The following ZNF503 variants were observed in gnomAD, a reference collection of about 807,000 sequenced individuals.
The protein encoded by ZNF503 is zinc finger protein 503, also known as NocA-like zinc finger 2.
Under a neutral mutation model 34.4 loss-of-function variants are expected in ZNF503, and 15 were observed. That is an observed-to-expected ratio of 0.44 (90% CI 0.29 to 0.67). The LOEUF (loss-of-function observed/expected upper bound fraction) is 0.67. Among genes scored for constraint, ZNF503 ranks in the 30% least tolerant of loss-of-function variants. The pLI, the probability that ZNF503 is intolerant of heterozygous loss-of-function variation, is 0.13. For synonymous variants in ZNF503, 580 were observed against 456.8 expected (o/e 1.27, Z -3.44); for missense variants, 1,007 against 926.8 (o/e 1.09, Z -1.12).
chr10:75,401,011 C>G, intron 1 of ZNF503, 94 bp downstream of exon 1: 9 of 1,542,408 alleles, frequency 5.8e-6, no homozygotes, highest in Non-Finnish European at 7.9e-6. Flanking sequence ...ATCACTCCGA[C>G]CCCCCCACCT....
chr10:75,310,772 A>C, the ZNF503 span, among the ~76,000 whole-genome samples: 1 of 152,148 alleles, frequency 6.6e-6, no homozygotes, highest in African/African-American at 2.4e-5. Context: ...ATGGATTCTG[A>C]GTGGAGAAAC....
At chr10:75,362,950 G>A in the ZNF503 span, among the ~76,000 whole-genome samples, 5 of 151,948 alleles carry the variant, frequency 3.3e-5, no homozygotes, top group African/African-American at 9.7e-5. Flanking sequence ...CCCCACCCCA[G>A]CCTTGGCCAA....
chr10:75,367,727 G>T, the ZNF503 span, among the ~76,000 whole-genome samples: 3 of 152,202 alleles, frequency 2.0e-5, no homozygotes, highest in Non-Finnish European at 4.4e-5. Flanking sequence ...TGGCTGTGGA[G>T]CATCGATCCT....
At chr10:75,390,439 C>T in the ZNF503 span, among the ~76,000 whole-genome samples, 1 of 150,786 alleles carries the variant, frequency 6.6e-6, no homozygotes, top group African/African-American at 2.5e-5. Context: ...TCCCTCCTCC[C>T]CCTCCCCCTC....
At chr10:75,316,301 C>T in the ZNF503 span, among the ~76,000 whole-genome samples, 2 of 152,062 alleles carry the variant, frequency 1.3e-5, no homozygotes, top group Non-Finnish European at 2.9e-5. Context: ...GAGCATTCTC[C>T]AGGATAGATG....
chr10:75,342,670 G>C, the ZNF503 span, among the ~76,000 whole-genome samples: 1 of 145,558 alleles, frequency 6.9e-6, no homozygotes, highest in Non-Finnish European at 1.5e-5. Flanking sequence ...TGGTGGGGCG[G>C]GGGGAGGGGG....
At chr10:75,294,280 T>C in the ZNF503 span, among the ~76,000 whole-genome samples, 167 of 152,166 alleles carry the variant, frequency 1.1e-3, no homozygotes, top group African/African-American at 3.8e-3. Flanking sequence ...TAAATCCAGC[T>C]GAAAGAAAGG....
At chr10:75,325,336 T>A in the ZNF503 span, among the ~76,000 whole-genome samples, 3 of 151,720 alleles carry the variant, frequency 2.0e-5, no homozygotes, top group African/African-American at 7.2e-5. Context: ...TATATTTTTT[T>A]TTTTTTTGAG....
At chr10:75,314,231 C>T in the ZNF503 span, among the ~76,000 whole-genome samples, 7 of 128,242 alleles carry the variant, frequency 5.5e-5, no homozygotes, top group South Asian at 2.7e-4. Context: ...AGCGAGACTC[C>T]GTCTCAAAAA....
At chr10:75,304,964 A>G in the ZNF503 span, among the ~76,000 whole-genome samples, 2 of 152,188 alleles carry the variant, frequency 1.3e-5, no homozygotes, top group East Asian at 1.9e-4. Context: ...ATGAGGGGAA[A>G]AAAGGTCTTA....
At chr10:75,369,341 T>C in the ZNF503 span, among the ~76,000 whole-genome samples, 1 of 152,114 alleles carries the variant, frequency 6.6e-6, no homozygotes, top group Admixed American at 6.5e-5. Flanking sequence ...CCCCCATGGG[T>C]TAAGGGTATG....
At position 75,398,709 on chromosome 10, in the gene ZNF503, C is replaced by CCCTCTCCCT; in HGVS notation, c.*31_*39dup. On this transcript the variant is annotated 3_prime_UTR_variant, in exon 2 of 2. Coordinates refer to ENST00000372524, the MANE Select transcript of ZNF503 (RefSeq NM_032772.6). ...GCCTCTCCCTGGACTCCTCCCCTCC[C>CCCTCTCCCT]CCTCTCCCTCCTCTCCCTCGCTCGC... The CCCTCTCCCT allele has an allele frequency of 3.7e-6, 5 of 1,351,698 alleles. No homozygotes were observed. The highest frequency in any genetic ancestry group is 3.5e-5 in the Admixed American group (1 of 28,354). The allele number at this position is 1,351,698 out of a possible 1,614,324, so 83.7% of individuals were successfully genotyped here.
At chr10:75,368,223 T>C in the ZNF503 span, among the ~76,000 whole-genome samples, 1 of 152,290 alleles carries the variant, frequency 6.6e-6, no homozygotes, top group East Asian at 1.9e-4. Flanking sequence ...AAGCAGGCAT[T>C]TGAGCAGAAA....
chr10:75,300,834 T>C, the ZNF503 span, among the ~76,000 whole-genome samples: 1 of 150,650 alleles, frequency 6.6e-6, no homozygotes, highest in African/African-American at 2.4e-5. Flanking sequence ...GCCTCCCGAG[T>C]AGCTGGGACT....
At chr10:75,390,580 C>T in the ZNF503 span, among the ~76,000 whole-genome samples, 3 of 152,110 alleles carry the variant, frequency 2.0e-5, no homozygotes, top group Non-Finnish European at 4.4e-5. Context: ...CTGAGGGCTT[C>T]TCCAGTAGCA....
In ZNF503 at chr10:75,401,215, C is replaced by G; in HGVS notation, c.205G>C (p.Ala69Pro). ...AVPPSDPLRQ[A>P]NRLPIKVLKM... ...AGCACCTTGATTGGCAGGCGGTTGGCCTGGCGCAGGGGGTCAGAGGGGGGC... is the reference window on the plus strand; with the variant it reads ...AGCACCTTGATTGGCAGGCGGTTGGGCTGGCGCAGGGGGTCAGAGGGGGGC... Residue 69 changes from alanine to proline, a missense_variant, in exon 1 of 2, where the codon GCC (alanine) becomes CCC (proline). By Grantham distance (27) the Ala-to-Pro change is conservative. Transcript: ENST00000372524. 1 of 1,607,492 alleles carries G rather than the reference C, an allele frequency of 6.2e-7. No individual in the cohort carries two copies. Among genetic ancestry groups the G allele is most frequent in the Non-Finnish European group, 8.5e-7 (1 of 1,176,414 alleles).
chr10:75,381,802 A>ATTTTTTTTTTTT, the ZNF503 span, among the ~76,000 whole-genome samples: 5 of 41,368 alleles, frequency 1.2e-4, no homozygotes, highest in African/African-American at 2.5e-4. Flanking sequence ...ACAGAACCTA[A>ATTTTTTTTTTTT]TTCTTTTTTT....
the ZNF503 span, among the ~76,000 whole-genome samples, chr10:75,281,860 A>G: frequency 1.3e-5 from 2 of 152,232 alleles, no homozygotes; most frequent in East Asian, 1.9e-4. Context: ...TGAGGTAGGC[A>G]GACCCCAGAA....
At position 75,398,141 on chromosome 10, in the gene ZNF503, T is replaced by C. The variant is rs1472163507; in HGVS notation, c.*608A>G. 1 of 146,788 alleles carries C rather than the reference T, an allele frequency of 6.8e-6. No homozygotes were observed. Among genetic ancestry groups the C allele is most frequent in the Non-Finnish European group, 1.5e-5 (1 of 67,872 alleles). 9.1% of individuals were successfully genotyped at this position (146,788 alleles called of 1,614,324 possible). ...AAATCAGAGCTGACAAATTGTGACTTTTTTTTTCATTTTTTTTGTAACAAA... is the reference window on the plus strand; with the variant it reads ...AAATCAGAGCTGACAAATTGTGACTCTTTTTTTCATTTTTTTTGTAACAAA... On this transcript the variant is annotated 3_prime_UTR_variant, in exon 2 of 2. Coordinates refer to ENST00000372524, the MANE Select transcript of ZNF503 (RefSeq NM_032772.6).
Sources: allele counts gnomAD v4.1 joint callset (sites outside exome capture counted in the v4.1 genomes callset), GRCh38; gene constraint gnomAD v4.1.1; transcripts MANE v1.5; gene names NCBI Gene and HGNC (gene_info 2026-07-23, HGNC 2026-07-21).